The following DLGAP4 variants were observed in gnomAD, a reference collection of about 807,000 sequenced individuals.
The protein encoded by DLGAP4 is DLG associated protein 4.
In DLGAP4, 18 loss-of-function variants were observed where a neutral mutation model predicts 86.9. The observed-to-expected ratio is 0.21, with a 90% CI of 0.14 to 0.31. DLGAP4 has a LOEUF of 0.31. DLGAP4 is among the 10% of genes least tolerant of loss of function. The pLI is 1.00. For missense variants in DLGAP4, 1,085 were observed against 1,362.6 expected (o/e 0.80, Z 3.21); for synonymous variants, 548 against 574.3 (o/e 0.95, Z 0.65).
intron 10 of DLGAP4, among the ~76,000 whole-genome samples, chr20:36,512,424 G>A (rs542715057): frequency 6.6e-6 from 1 of 152,012 alleles, no homozygotes; most frequent in Non-Finnish European, 1.5e-5. Flanking sequence ...GGAATAATAG[G>A]TCCATATCTC....
chr20:36,386,373 A>G (rs1042279458), intron 2 of DLGAP4, among the ~76,000 whole-genome samples: 1 of 149,666 alleles, frequency 6.7e-6, no homozygotes, highest in Non-Finnish European at 1.5e-5. Flanking sequence ...GAAGGTAGAG[A>G]GGGAGGAGGG....
At chr20:36,510,126 C>T (rs1003628253) in intron 10 of DLGAP4, among the ~76,000 whole-genome samples, 1 of 150,310 alleles carries the variant, frequency 6.7e-6, no homozygotes, top group South Asian at 2.1e-4. Context: ...CATGAGCCAC[C>T]GCGCCTGGCC....
At chr20:36,499,414 G>A (rs1001173823) in intron 8 of DLGAP4, 174 bp from the exon 9 acceptor site, 94 of 1,243,478 alleles carry the variant, frequency 7.6e-5, no homozygotes, top group Admixed American at 1.5e-4. Context: ...AGCAGTGCCC[G>A]GCTTAACCTG....
intron 11 of DLGAP4, among the ~76,000 whole-genome samples, chr20:36,525,093 C>T (rs1170221962): frequency 2.0e-5 from 3 of 150,174 alleles, no homozygotes; most frequent in Non-Finnish European, 4.5e-5. Flanking sequence ...TGGCGGGTGC[C>T]TGTAGTCCCA....
chr20:36,329,035 A>G (rs2065243070), intron 1 of DLGAP4, among the ~76,000 whole-genome samples: 1 of 152,088 alleles, frequency 6.6e-6, no homozygotes, highest in Non-Finnish European at 1.5e-5. Context: ...TGGTCTCCCA[A>G]AGTGCTGGGA....
At chr20:36,341,328 A>G (rs567530563) in intron 1 of DLGAP4, among the ~76,000 whole-genome samples, 2 of 152,150 alleles carry the variant, frequency 1.3e-5, no homozygotes, top group African/African-American at 4.8e-5. Flanking sequence ...GACACTTATC[A>G]TGACTTACAA....
At chr20:36,461,826 C>T (rs557970072) in intron 7 of DLGAP4, 23 of 983,198 alleles carry the variant, frequency 2.3e-5, no homozygotes, top group Non-Finnish European at 1.2e-6. Flanking sequence ...GCTCCGCCCG[C>T]TTTGTCTCTC....
At chr20:36,416,978 C>A (rs960126755) in intron 2 of DLGAP4, among the ~76,000 whole-genome samples, 4 of 152,160 alleles carry the variant, frequency 2.6e-5, no homozygotes, top group African/African-American at 7.2e-5. Context: ...CGCTTAGCAC[C>A]AGGGATAGAG....
chr20:36,496,602 G>A, intron 7 of DLGAP4, 103 bp from the exon 8 acceptor site: 1 of 1,498,356 alleles, frequency 6.7e-7, no homozygotes, highest in Non-Finnish European at 8.9e-7. Flanking sequence ...TAAGCCCAGA[G>A]CTAGGGCCAA....
intron 7 of DLGAP4, among the ~76,000 whole-genome samples, chr20:36,494,091 G>C (rs1164594368): frequency 6.6e-6 from 1 of 152,190 alleles, no homozygotes; most frequent in Non-Finnish European, 1.5e-5. Context: ...CCTGTACACT[G>C]CTCTTAGGTT....
intron 1 of DLGAP4, among the ~76,000 whole-genome samples, chr20:36,366,160 C>T (rs2030681974): frequency 1.3e-5 from 2 of 152,210 alleles, no homozygotes; most frequent in South Asian, 4.2e-4. Flanking sequence ...TGCTCTGTCG[C>T]CCAGGCTGGA....
intron 2 of DLGAP4, among the ~76,000 whole-genome samples, chr20:36,426,138 C>T (rs1320705590): frequency 1.3e-5 from 2 of 152,154 alleles, no homozygotes; most frequent in African/African-American, 2.4e-5. Flanking sequence ...ATAGGTCAGA[C>T]ACAAAATAAC....
chr20:36,417,484 C>G (rs1430110068), intron 2 of DLGAP4, among the ~76,000 whole-genome samples: 1 of 152,116 alleles, frequency 6.6e-6, no homozygotes, highest in African/African-American at 2.4e-5. Context: ...CAGGCTCAAG[C>G]AATCTTCCCG....
rs1485373098 is a variant in DLGAP4, at chr20:36,370,816, T to A, written c.-73+3541T>A. Reference sequence around the variant, plus strand: ...ACCTGGGCAACAGAGCAAGACCTTGTCTCTAAATAAATAAATAACATTAAA... The same window carrying A: ...ACCTGGGCAACAGAGCAAGACCTTGACTCTAAATAAATAAATAACATTAAA... On this transcript the variant is annotated intron_variant, in intron 2 of 12. Transcript: ENST00000339266. Among the ~76,000 whole-genome samples the A allele has an allele frequency of 2.0e-5, 3 of 152,122 alleles. No homozygotes were observed. In the East Asian group the frequency reaches 5.8e-4, roughly 29 times the overall value.
intron 1 of DLGAP4, among the ~76,000 whole-genome samples, chr20:36,310,231 A>G (rs1203659631): frequency 7.4e-6 from 1 of 135,444 alleles, no homozygotes; most frequent in Non-Finnish European, 1.6e-5. Context: ...AAAGAAAGAA[A>G]GAAAGAAAGA....
chr20:36,502,028 A>G (rs978057905), intron 10 of DLGAP4, among the ~76,000 whole-genome samples: 1 of 152,176 alleles, frequency 6.6e-6, no homozygotes, highest in Non-Finnish European at 1.5e-5. Context: ...TTGTCTTCAT[A>G]TATCTTTTAA....
At chr20:36,356,325 G>GTTTA (rs2030325547) in intron 1 of DLGAP4, among the ~76,000 whole-genome samples, 2 of 151,818 alleles carry the variant, frequency 1.3e-5, no homozygotes, top group Non-Finnish European at 2.9e-5. Flanking sequence ...TTGTTTGTTT[G>GTTTA]TTTTGAGACG....
chr20:36,368,826 C>T (rs528633611), intron 2 of DLGAP4, among the ~76,000 whole-genome samples: 5 of 152,250 alleles, frequency 3.3e-5, no homozygotes, highest in African/African-American at 7.2e-5. Flanking sequence ...TTGCATTTTT[C>T]GTTATTTCAA....
chr20:36,407,653 C>G (rs947695100), intron 2 of DLGAP4, among the ~76,000 whole-genome samples: 1 of 152,052 alleles, frequency 6.6e-6, no homozygotes, highest in Admixed American at 6.5e-5. Context: ...GATATGGCAA[C>G]CGGCTGTGGT....
Sources: allele counts gnomAD v4.1 joint callset (sites outside exome capture counted in the v4.1 genomes callset), GRCh38; gene constraint gnomAD v4.1.1; transcripts MANE v1.5; gene names NCBI Gene and HGNC (gene_info 2026-07-23, HGNC 2026-07-21).